Variants in PLCB1 observed in about 807,000 individuals in gnomAD.
PLCB1 encodes phospholipase C beta 1.
A neutral mutation model predicts 161.8 loss-of-function variants in PLCB1; 46 were observed. The observed-to-expected ratio is 0.28, with a 90% CI of 0.22 to 0.36. The LOEUF is 0.36. PLCB1 is among the 10% of genes least tolerant of loss of function. The pLI is 1.00. For missense variants in PLCB1, 1,016 were observed against 1,472.5 expected (o/e 0.69, Z 5.07); for synonymous variants, 517 against 503.7 (o/e 1.03, Z -0.35).
chr20:8,566,077 G>T (rs894997848), intron 3 of PLCB1, among the ~76,000 whole-genome samples: 1 of 152,068 alleles, frequency 6.6e-6, no homozygotes, highest in Non-Finnish European at 1.5e-5. Context: ...TATAATTAAA[G>T]TATGATGTAG....
chr20:8,763,021 T>C (rs1982125491), intron 25 of PLCB1, among the ~76,000 whole-genome samples: 1 of 152,182 alleles, frequency 6.6e-6, no homozygotes, highest in Non-Finnish European at 1.5e-5. Context: ...AAATGATAAT[T>C]CACTGGAGTT....
chr20:8,590,696 A>G (rs1387172037), intron 3 of PLCB1, among the ~76,000 whole-genome samples: 1 of 152,152 alleles, frequency 6.6e-6, no homozygotes, highest in Non-Finnish European at 1.5e-5. Context: ...AAAGGCAGCA[A>G]GATTAGGCTG....
chr20:8,734,240 A>G (rs1026336228), intron 19 of PLCB1, among the ~76,000 whole-genome samples: 2 of 151,824 alleles, frequency 1.3e-5, no homozygotes, highest in Admixed American at 1.3e-4. Flanking sequence ...AATCAATAAA[A>G]TGAGTTGGAG....
chr20:8,714,167 G>A (rs1189517917), intron 12 of PLCB1, among the ~76,000 whole-genome samples: 1 of 152,112 alleles, frequency 6.6e-6, no homozygotes, highest in Non-Finnish European at 1.5e-5. Context: ...GGCTTGTTAT[G>A]ATGCAGACTC....
intron 12 of PLCB1, among the ~76,000 whole-genome samples, chr20:8,710,544 C>T (rs1978950993): frequency 1.9e-5 from 2 of 103,098 alleles, no homozygotes; most frequent in African/African-American, 3.8e-5. Flanking sequence ...AGCGGAGTTT[C>T]ACTCTTGTTG....
intron 18 of PLCB1, chr20:8,732,290 A>T (rs577785217): frequency 2.0e-5 from 3 of 152,194 alleles, no homozygotes; most frequent in East Asian, 3.9e-4. Flanking sequence ...TCTCAAAAAC[A>T]TGGCTTAGTA....
chr20:8,645,799 G>A (rs1471247193), intron 4 of PLCB1, among the ~76,000 whole-genome samples: 2 of 152,058 alleles, frequency 1.3e-5, no homozygotes, highest in East Asian at 3.8e-4. Context: ...TATAATTCAA[G>A]GAAATAGTAA....
At chr20:8,303,890 C>G (rs1339614605) in intron 2 of PLCB1, among the ~76,000 whole-genome samples, 1 of 152,182 alleles carries the variant, frequency 6.6e-6, no homozygotes, top group African/African-American at 2.4e-5. Flanking sequence ...CTGCAGAACA[C>G]AAGCCTTAAT....
intron 3 of PLCB1, among the ~76,000 whole-genome samples, chr20:8,388,589 C>A (rs1248338022): frequency 6.6e-6 from 1 of 152,152 alleles, no homozygotes; most frequent in Admixed American, 6.5e-5. Context: ...CAACCTTTGA[C>A]CCTTATTCTT....
At chr20:8,369,220 A>G (rs1452097602) in intron 2 of PLCB1, among the ~76,000 whole-genome samples, 1 of 152,028 alleles carries the variant, frequency 6.6e-6, no homozygotes, top group Non-Finnish European at 1.5e-5. Flanking sequence ...AAAGGTGGAA[A>G]CTGCAGCGTG....
At chr20:8,457,925 G>T (rs1403543866) in intron 3 of PLCB1, among the ~76,000 whole-genome samples, 3 of 152,156 alleles carry the variant, frequency 2.0e-5, no homozygotes, top group Non-Finnish European at 2.9e-5. Flanking sequence ...AAGATCACAT[G>T]AACAAGAACA....
intron 2 of PLCB1, among the ~76,000 whole-genome samples, chr20:8,303,223 C>G (rs555474886): frequency 6.6e-6 from 1 of 152,270 alleles, no homozygotes; most frequent in African/African-American, 2.4e-5. Context: ...TCCTTGTTAC[C>G]TATTCTTTGT....
chr20:8,253,979 C>T (rs568855759), intron 2 of PLCB1, among the ~76,000 whole-genome samples: 1 of 152,044 alleles, frequency 6.6e-6, no homozygotes, highest in African/African-American at 2.4e-5. Flanking sequence ...GTGTAGTATC[C>T]CACGGTGTAC....
At chr20:8,215,850 G>GTA (rs912465373) in intron 2 of PLCB1, among the ~76,000 whole-genome samples, 1 of 151,614 alleles carries the variant, frequency 6.6e-6, no homozygotes, top group Non-Finnish European at 1.5e-5. Context: ...TTATATGTAT[G>GTA]TATATATATT....
At chr20:8,635,116 C>T (rs1988719905) in intron 4 of PLCB1, among the ~76,000 whole-genome samples, 1 of 152,152 alleles carries the variant, frequency 6.6e-6, no homozygotes, top group Admixed American at 6.5e-5. Flanking sequence ...AGTCATTACA[C>T]TGTAATTATC....
chr20:8,732,241 T>C (rs1475893770), intron 18 of PLCB1: 1 of 152,030 alleles, frequency 6.6e-6, no homozygotes, highest in Non-Finnish European at 1.5e-5. Context: ...GGAAAAGGAA[T>C]AATAGAATCC....
intron 2 of PLCB1, among the ~76,000 whole-genome samples, chr20:8,199,620 G>T (rs2052069052): frequency 6.6e-6 from 1 of 151,934 alleles, no homozygotes; most frequent in South Asian, 2.1e-4. Context: ...GTTTGTATGT[G>T]AGATTCTTAA....
chr20:8,449,592 T>G (rs939696792), intron 3 of PLCB1, among the ~76,000 whole-genome samples: 1 of 152,216 alleles, frequency 6.6e-6, no homozygotes, highest in East Asian at 1.9e-4. Context: ...ACTCCGACCC[T>G]CATTGTCCCG....
chr20:8,342,620 T>A (rs1042706525), intron 2 of PLCB1, among the ~76,000 whole-genome samples: 2 of 152,312 alleles, frequency 1.3e-5, no homozygotes, highest in East Asian at 3.9e-4. Context: ...GATCTGTTAC[T>A]GGCAAGCCTG....
Sources: gnomAD v4.1 joint callset for allele counts (sites outside exome capture counted in the v4.1 genomes callset) on GRCh38, gnomAD v4.1.1 for gene constraint, MANE v1.5 for transcripts, NCBI Gene and HGNC (gene_info 2026-07-23, HGNC 2026-07-21) for gene names.